Variants in NOX4 observed in about 807,000 individuals in gnomAD.
NOX4 encodes the protein NADPH oxidase 4.
A neutral mutation model predicts 87.6 loss-of-function variants in NOX4; 69 were observed. That is an observed-to-expected ratio of 0.79 (90% CI 0.65 to 0.96). NOX4 has a LOEUF of 0.96. Among genes scored for constraint, NOX4 ranks in the 40% least tolerant of loss-of-function variants. The probability of loss-of-function intolerance (pLI) is 0.00; values close to 1 mark genes in which losing one functional copy is unlikely to be tolerated. For missense variants in NOX4, 680 were observed against 681.5 expected (o/e 1.00, Z 0.02); for synonymous variants, 275 against 238.2 (o/e 1.15, Z -1.42).
chr11:89,570,462 T>C, the NOX4 span, among the ~76,000 whole-genome samples: 1 of 152,138 alleles, frequency 6.6e-6, no homozygotes, highest in Admixed American at 6.6e-5. Flanking sequence ...AATTTACCCA[T>C]GTAACAAACC....
chr11:89,441,469 G>A (rs1944451164), intron 5 of NOX4, among the ~76,000 whole-genome samples: 1 of 152,088 alleles, frequency 6.6e-6, no homozygotes, highest in Non-Finnish European at 1.5e-5. Context: ...TCTGGGGTCA[G>A]GCCAGACTAT....
chr11:89,354,800 C>T (rs1281875650), intron 13 of NOX4, among the ~76,000 whole-genome samples, 162 bp downstream of exon 13: 1 of 152,072 alleles, frequency 6.6e-6, no homozygotes, highest in Non-Finnish European at 1.5e-5. Context: ...CTGCAAGGAG[C>T]CTGAGACATT....
chr11:89,560,996 C>CTCTCTATATATA, the NOX4 span, among the ~76,000 whole-genome samples: 23 of 40,784 alleles, frequency 5.6e-4, 1 homozygote, highest in African/African-American at 1.7e-3. Context: ...CTCTCTCTCT[C>CTCTCTATATATA]TATATATATA....
intron 4 of NOX4, among the ~76,000 whole-genome samples, chr11:89,444,466 AAC>A (rs59319897): frequency 0.5 from 73,815 of 146,910 alleles, 20,059 homozygotes; most frequent in African/African-American, 0.72. Context: ...GGATAAGAGA[AAC>A]ACACACACAC....
chr11:89,486,608 A>ATATATGTGTATATATACATATATG lies in NOX4; in HGVS notation c.153+3849_153+3850insCATATATGTATATATACACATATA. Among the ~76,000 whole-genome samples the ATATATGTGTATATATACATATATG allele has an allele frequency of 3.5e-4, 39 of 111,410 alleles. 1 individual carries two copies. The highest frequency in any genetic ancestry group is 5.8e-4 in the Non-Finnish European group (32 of 55,392). 73.1% of individuals were successfully genotyped at this position (111,410 alleles called of 152,430 possible). A position where few individuals can be genotyped will look rare whatever the true frequency, so the allele number is the denominator to read the frequency against. ...TATATATGTGTATATATACATATAT[A>ATATATGTGTATATATACATATATG]TGTGTGTATATATGTGTATATATAC... On this transcript the variant is annotated intron_variant, in intron 2 of 17. Coordinates refer to ENST00000263317, the MANE Select transcript of NOX4 (RefSeq NM_016931.5).
At chr11:89,483,925 A>G (rs1052570626) in intron 2 of NOX4, among the ~76,000 whole-genome samples, 2 of 152,110 alleles carry the variant, frequency 1.3e-5, no homozygotes, top group Non-Finnish European at 2.9e-5. Context: ...TGGAACCAGG[A>G]TCTTTGGGCT....
rs771741742 is a variant in NOX4 at position 89,449,536 on chromosome 11, T to C, written c.265-12A>G. On this transcript the variant is annotated splice_polypyrimidine_tract_variant and intron_variant, in intron 3 of 17. Transcript: ENST00000263317. ...CTCCTGCTTGGAACCTAAACAAAAA[T>C]CATTTAATATGGTAAAAATAATGCA... The C allele has an allele frequency of 1.6e-5, 25 of 1,591,384 alleles. No individual in the cohort carries two copies. The South Asian group carries it at 2.7e-4, about 17-fold the overall frequency.
At chr11:89,358,227 A>T (rs1938222911) in intron 12 of NOX4, among the ~76,000 whole-genome samples, 1 of 151,940 alleles carries the variant, frequency 6.6e-6, no homozygotes, top group Admixed American at 6.6e-5. Context: ...TCTACTAAAA[A>T]TACAAAAAAT....
intron 2 of NOX4, among the ~76,000 whole-genome samples, chr11:89,452,418 A>G (rs987860192): frequency 5.3e-5 from 8 of 152,202 alleles, no homozygotes; most frequent in Non-Finnish European, 1.0e-4. Context: ...TTCTGGTCAC[A>G]TAGTAAGCAC....
intron 4 of NOX4, among the ~76,000 whole-genome samples, 198 bp downstream of exon 4, chr11:89,449,242 G>A (rs970287096): frequency 6.6e-6 from 1 of 152,036 alleles, no homozygotes; most frequent in African/African-American, 2.4e-5. Flanking sequence ...CAAACCACAC[G>A]ACAATCTTAC....
At chr11:89,458,991 A>G (rs904974262) in intron 2 of NOX4, among the ~76,000 whole-genome samples, 3 of 152,202 alleles carry the variant, frequency 2.0e-5, no homozygotes, top group African/African-American at 7.2e-5. Flanking sequence ...TCTACCATAA[A>G]GACACATGCA....
At chr11:89,493,726 T>TA, upstream of NOX4, among the ~76,000 whole-genome samples, 1 of 106,308 alleles carries the variant, frequency 9.4e-6, no homozygotes, top group South Asian at 2.7e-4. Flanking sequence ...ATTGTTTTAT[T>TA]ATTATTATTA....
intron 11 of NOX4, among the ~76,000 whole-genome samples, chr11:89,382,369 G>C (rs1398120021): frequency 2.0e-5 from 3 of 152,030 alleles, no homozygotes; most frequent in Admixed American, 2.0e-4. Flanking sequence ...CTCGACAATA[G>C]TTCCAAATAG....
intron 11 of NOX4, among the ~76,000 whole-genome samples, chr11:89,389,083 T>C (rs1415008186): frequency 6.6e-6 from 1 of 152,174 alleles, no homozygotes; most frequent in Admixed American, 6.6e-5. Context: ...GATCTGATAC[T>C]ACATAAGGTC....
chr11:89,571,480 A>G, the NOX4 span, among the ~76,000 whole-genome samples: 4 of 152,074 alleles, frequency 2.6e-5, no homozygotes, highest in Non-Finnish European at 4.4e-5. Context: ...TATTTGTAGT[A>G]GAGACGGCAT....
At chr11:89,336,864 G>A (rs1302769936) in intron 16 of NOX4, among the ~76,000 whole-genome samples, 4 of 151,960 alleles carry the variant, frequency 2.6e-5, no homozygotes, top group African/African-American at 9.7e-5. Flanking sequence ...ATGACAAAAA[G>A]TACTAAAATA....
chr11:89,455,975 C>T (rs1945181319), intron 2 of NOX4, among the ~76,000 whole-genome samples: 1 of 151,768 alleles, frequency 6.6e-6, no homozygotes, highest in Non-Finnish European at 1.5e-5. Flanking sequence ...GAACACAGTA[C>T]CCATTAAAAG....
intron 7 of NOX4, among the ~76,000 whole-genome samples, chr11:89,428,257 G>A (rs1209638013): frequency 2.0e-5 from 3 of 151,878 alleles, no homozygotes; most frequent in Non-Finnish European, 4.4e-5. Flanking sequence ...ACCAGCCACA[G>A]CAGAAACACA....
chr11:89,506,687 G>C, the NOX4 span, among the ~76,000 whole-genome samples: 21 of 151,856 alleles, frequency 1.4e-4, no homozygotes, highest in African/African-American at 5.1e-4. Context: ...TCATATGTCT[G>C]ATAAGAACTT....
Sources: allele counts gnomAD v4.1 joint callset (sites outside exome capture counted in the v4.1 genomes callset), GRCh38; gene constraint gnomAD v4.1.1; transcripts MANE v1.5; gene names NCBI Gene and HGNC (gene_info 2026-07-23, HGNC 2026-07-21).